The following C4orf17 variants were observed in gnomAD, a reference collection of about 807,000 sequenced individuals.
C4orf17 encodes chromosome 4 open reading frame 17, also known as uncharacterized protein C4orf17.
C4orf17 carries 25 observed loss-of-function variants against 32.0 expected under a neutral mutation model. The ratio of observed to expected loss-of-function variants is 0.78; its 90% CI spans 0.57 to 1.09. The LOEUF is 1.09. Ranked by LOEUF, C4orf17 falls within the 50% of genes least tolerant of loss-of-function variation. The pLI is 0.00. For missense variants in C4orf17, 420 were observed against 420.0 expected, an observed-to-expected ratio of 1.00 and a Z score of 0.00; for synonymous variants, 149 against 145.8, an observed-to-expected ratio of 1.02 and a Z score of -0.16.
At chr4:99,540,020 T>G (rs917112763) in intron 7 of C4orf17, among the ~76,000 whole-genome samples, 13 of 152,068 alleles carry the variant, frequency 8.5e-5, no homozygotes, top group Admixed American at 8.5e-4. Flanking sequence ...TCTTGTTGCT[T>G]TAAAATTAAA....
intron 2 of C4orf17, among the ~76,000 whole-genome samples, chr4:99,520,182 C>T (rs1248341455): frequency 3.3e-5 from 5 of 151,858 alleles, no homozygotes; most frequent in East Asian, 1.9e-4. Flanking sequence ...CTCCGCCTCG[C>T]GGGTTCATGC....
intron 3 of C4orf17, among the ~76,000 whole-genome samples, chr4:99,524,075 G>T (rs1723343395): frequency 6.7e-6 from 1 of 149,610 alleles, no homozygotes; most frequent in Non-Finnish European, 1.5e-5. Flanking sequence ...CACCTCCTGG[G>T]TTCACGCCAT....
intron 3 of C4orf17, among the ~76,000 whole-genome samples, chr4:99,522,922 A>G (rs1246015417): frequency 6.6e-6 from 1 of 152,222 alleles, no homozygotes; most frequent in Non-Finnish European, 1.5e-5. Flanking sequence ...TACTATTAAT[A>G]GTGCCTAAGA....
Position 99,524,718 on chromosome 4 carries a change from TAA to T in C4orf17, c.402+134_402+135del, listed in dbSNP as rs1457908188. ...CAGCTTTAGTAAAGTCTAATTAACA[TAA>T]TATAAGATACACATATTCAAAATGC... is the stretch of plus-strand genomic sequence containing the variant. On this transcript the variant is annotated intron_variant, in intron 4 of 8. Coordinates refer to ENST00000326581, the MANE Select transcript of C4orf17 (RefSeq NM_032149.3). 1.6e-5 allele frequency: 9 copies of T among 573,336 alleles called. No individual in the cohort carries two copies. In the Admixed American group the frequency reaches 2.7e-4, roughly 17 times the overall value. The allele number at this position is 573,336 out of a possible 1,614,324, so 35.5% of individuals were successfully genotyped here.
At chr4:99,525,612 G>C (rs1331801638) in intron 4 of C4orf17, among the ~76,000 whole-genome samples, 2 of 152,176 alleles carry the variant, frequency 1.3e-5, no homozygotes, top group South Asian at 2.1e-4. Flanking sequence ...GGCCAACATG[G>C]TGAAACCCCG....
At chr4:99,518,200 T>G (rs376528288) in intron 2 of C4orf17, among the ~76,000 whole-genome samples, 5 of 152,154 alleles carry the variant, frequency 3.3e-5, no homozygotes, top group African/African-American at 1.2e-4. Context: ...ACTTCCACTC[T>G]TGCCCTCTCT....
rs543424988 is a variant in C4orf17 at position 99,536,116 on chromosome 4, G to C, written c.547-1553G>C. 3.1e-5 allele frequency: 11 copies of C among 353,598 alleles called. No homozygotes were observed. In the East Asian group the frequency reaches 6.6e-4, roughly 21 times the overall value. The allele number at this position is 353,598 out of a possible 1,614,324, so 21.9% of individuals were successfully genotyped here. A position where few individuals can be genotyped will look rare whatever the true frequency, so the allele number is the denominator to read the frequency against. On this transcript the variant is annotated intron_variant, in intron 5 of 8. Coordinates refer to ENST00000326581, the MANE Select transcript of C4orf17 (RefSeq NM_032149.3). ...CTTCCTCTGGGATCTCCATCCTAGG[G>C]GGGTACTGAGCTGTTGCTGGCTCGA...
rs543845028 is a variant in C4orf17 at position 99,529,156 on chromosome 4, TG to T, written c.403-658del. ...CATTTAGGCACTAAGTTCTATGTGT[TG>T]TTATAAATCAGTCACTTCTGAAGGG... On this transcript the variant is annotated intron_variant, in intron 4 of 8. Transcript: ENST00000326581. Among the ~76,000 whole-genome samples, 565 of 152,322 alleles carry T rather than the reference TG, an allele frequency of 3.7e-3. 5 individuals are homozygous for T. Among genetic ancestry groups the T allele is most frequent in the African/African-American group, 0.013 (532 of 41,592 alleles).
At chr4:99,525,718 C>T (rs1027883488) in intron 4 of C4orf17, among the ~76,000 whole-genome samples, 5 of 151,298 alleles carry the variant, frequency 3.3e-5, no homozygotes, top group Non-Finnish European at 7.4e-5. Context: ...TGCTTGAATC[C>T]GGGAGGTGGA....
intron 8 of C4orf17, 196 bp downstream of exon 8, chr4:99,540,651 G>A: frequency 2.0e-6 from 1 of 508,760 alleles, no homozygotes; most frequent in Non-Finnish European, 3.5e-6. Flanking sequence ...GAAAGGCAAA[G>A]TGCCTGATCA....
At chr4:99,532,637 C>T (rs544223633) in intron 5 of C4orf17, among the ~76,000 whole-genome samples, 28 of 152,132 alleles carry the variant, frequency 1.8e-4, no homozygotes, top group Non-Finnish European at 4.0e-4. Flanking sequence ...AAGCCCAAAG[C>T]TCAGCATTAT....
chr4:99,512,957 T>C lies in C4orf17; in HGVS notation c.-93-32T>C, dbSNP rs570489628. On this transcript the variant is annotated intron_variant, in intron 1 of 8. Transcript: ENST00000326581. Reference sequence around the variant, plus strand: ...TATATAAGAAAGTGACAAGAAACTCTTGTCAGAATGTTTGTCATTTTGTGA... The same window carrying C: ...TATATAAGAAAGTGACAAGAAACTCCTGTCAGAATGTTTGTCATTTTGTGA... 1,073 of 923,416 alleles carry C rather than the reference T, an allele frequency of 1.2e-3. 2 individuals carry two copies. The highest frequency in any genetic ancestry group is 1.6e-3 in the Non-Finnish European group (1,012 of 617,108). The allele number at this position is 923,416 out of a possible 1,614,324, so 57.2% of individuals were successfully genotyped here.
At chr4:99,521,423 T>C (rs1321353873) in intron 2 of C4orf17, among the ~76,000 whole-genome samples, 1 of 152,128 alleles carries the variant, frequency 6.6e-6, no homozygotes, top group Non-Finnish European at 1.5e-5. Flanking sequence ...ATATTGTGTA[T>C]TTAAGATCTA....
intron 2 of C4orf17, among the ~76,000 whole-genome samples, chr4:99,514,577 C>T (rs779564280): frequency 6.6e-5 from 10 of 151,822 alleles, no homozygotes; most frequent in Admixed American, 1.3e-4. Flanking sequence ...CCTGTAAGAA[C>T]GGCCATAATT....
chr4:99,524,641 C>T lies in C4orf17; in HGVS notation c.402+56C>T, dbSNP rs958230612. ...TAGTTTGACTTCTATAAGTTCCTCT[C>T]CTTTTCTTTACATACCTTTCCGAAA... On this transcript the variant is annotated intron_variant, in intron 4 of 8. Coordinates refer to ENST00000326581, the MANE Select transcript of C4orf17 (RefSeq NM_032149.3). 4.5e-6 allele frequency: 5 copies of T among 1,100,054 alleles called. No homozygotes were observed. The African/African-American group carries it at 7.9e-5, about 17-fold the overall frequency. 68.1% of individuals were successfully genotyped at this position (1,100,054 alleles called of 1,614,324 possible).
chr4:99,529,626 A>T (rs1723444855), intron 4 of C4orf17, among the ~76,000 whole-genome samples, 189 bp from the exon 5 acceptor site: 2 of 152,230 alleles, frequency 1.3e-5, no homozygotes, highest in Admixed American at 1.3e-4. Flanking sequence ...ATCAAAAGTT[A>T]ATAAGATATC....
At chr4:99,538,872 A>G (rs1723607009) in intron 6 of C4orf17, among the ~76,000 whole-genome samples, 1 of 152,220 alleles carries the variant, frequency 6.6e-6, no homozygotes, top group African/African-American at 2.4e-5. Flanking sequence ...CTTTGGCAGC[A>G]GCCTGTAAGA....
chr4:99,520,296 C>T (rs1323916222), intron 2 of C4orf17, among the ~76,000 whole-genome samples: 3 of 151,964 alleles, frequency 2.0e-5, no homozygotes, highest in Non-Finnish European at 2.9e-5. Flanking sequence ...GGTGTTTCAC[C>T]GTGTTAACTA....
At chr4:99,527,367 T>G (rs1298531605) in intron 4 of C4orf17, among the ~76,000 whole-genome samples, 5 of 152,246 alleles carry the variant, frequency 3.3e-5, no homozygotes, top group African/African-American at 1.2e-4. Flanking sequence ...AAATATTCAC[T>G]CTGCTGTTGT....
Sources: allele counts gnomAD v4.1 joint callset (sites outside exome capture counted in the v4.1 genomes callset), GRCh38; gene constraint gnomAD v4.1.1; transcripts MANE v1.5; gene names NCBI Gene and HGNC (gene_info 2026-07-23, HGNC 2026-07-21).